The following PHKB variants were observed in gnomAD, a reference collection of about 807,000 sequenced individuals.
The protein encoded by PHKB is phosphorylase b kinase regulatory subunit beta.
In PHKB, 122 loss-of-function variants were observed where a neutral mutation model predicts 152.1. The ratio of observed to expected loss-of-function variants is 0.80; its 90% CI spans 0.69 to 0.93. The LOEUF is 0.93. Ranked by LOEUF, PHKB falls within the 40% of genes least tolerant of loss-of-function variation. PHKB has a pLI of 0.00. For synonymous variants in PHKB, 436 were observed against 464.9 expected, an observed-to-expected ratio of 0.94 and a Z score of 0.80; for missense variants, 1,304 against 1,328.4, an observed-to-expected ratio of 0.98 and a Z score of 0.29.
chr16:47,520,943 G>A (rs908913375), intron 6 of PHKB, among the ~76,000 whole-genome samples: 3 of 152,026 alleles, frequency 2.0e-5, no homozygotes, highest in African/African-American at 7.2e-5. Context: ...TTCTTCTAAT[G>A]TGGTTTTGTA....
chr16:47,644,016 C>T (rs1973071210), intron 16 of PHKB, among the ~76,000 whole-genome samples: 1 of 151,842 alleles, frequency 6.6e-6, no homozygotes, highest in Non-Finnish European at 1.5e-5. Flanking sequence ...TTATATGCAC[C>T]CTGGAATGTG....
intron 14 of PHKB, among the ~76,000 whole-genome samples, chr16:47,636,297 G>A (rs1415515018): frequency 6.6e-6 from 1 of 152,226 alleles, no homozygotes; most frequent in African/African-American, 2.4e-5. Flanking sequence ...CCTGTCTAGG[G>A]CAGCCACTGT....
chr16:47,614,376 C>A (rs942253911), intron 14 of PHKB, among the ~76,000 whole-genome samples: 2 of 152,132 alleles, frequency 1.3e-5, no homozygotes, highest in Admixed American at 6.5e-5. Flanking sequence ...TAGTTTGTTT[C>A]TTTTTATTGC....
At chr16:47,552,549 A>G (rs931463052) in intron 7 of PHKB, among the ~76,000 whole-genome samples, 1 of 152,092 alleles carries the variant, frequency 6.6e-6, no homozygotes, top group Admixed American at 6.6e-5. Context: ...GGTGGCTCAC[A>G]CCTGTAATCC....
chr16:47,532,940 C>T (rs1970887171), intron 6 of PHKB, among the ~76,000 whole-genome samples: 1 of 152,224 alleles, frequency 6.6e-6, no homozygotes, highest in Admixed American at 6.5e-5. Context: ...CTTTATTGAG[C>T]AGTGGAACAA....
intron 17 of PHKB, 37 bp from the exon 18 acceptor site, chr16:47,649,063 T>C: frequency 1.8e-6 from 2 of 1,136,390 alleles, no homozygotes; most frequent in Non-Finnish European, 1.3e-6. Context: ...TTTGGTATGT[T>C]CTTTAGTTAT....
At chr16:47,540,893 T>G (rs972434675) in intron 6 of PHKB, among the ~76,000 whole-genome samples, 1 of 146,818 alleles carries the variant, frequency 6.8e-6, no homozygotes, top group African/African-American at 2.5e-5. Flanking sequence ...AATGGGGCGA[T>G]CTTGGCTCAC....
chr16:47,615,706 A>G (rs1972502761), intron 14 of PHKB, among the ~76,000 whole-genome samples: 1 of 152,218 alleles, frequency 6.6e-6, no homozygotes, highest in East Asian at 1.9e-4. Context: ...TCCAGCTTTC[A>G]GAATCCTTTA....
chr16:47,510,080 A>C (rs1403694482), intron 4 of PHKB, among the ~76,000 whole-genome samples: 1 of 152,188 alleles, frequency 6.6e-6, no homozygotes, highest in East Asian at 1.9e-4. Flanking sequence ...AGCAAACACC[A>C]GATGAAGTGG....
chr16:47,626,208 G>A (rs1972707463), intron 14 of PHKB, among the ~76,000 whole-genome samples: 1 of 152,126 alleles, frequency 6.6e-6, no homozygotes, highest in African/African-American at 2.4e-5. Context: ...TCTGCAGTTG[G>A]GTCCCCTGTG....
chr16:47,538,980 G>A (rs952135672), intron 6 of PHKB, among the ~76,000 whole-genome samples: 2 of 152,146 alleles, frequency 1.3e-5, no homozygotes, highest in African/African-American at 4.8e-5. Flanking sequence ...TGAAGGGTAG[G>A]CAGATGCATG....
intron 7 of PHKB, among the ~76,000 whole-genome samples, chr16:47,560,733 A>AT (rs58756173): frequency 0.069 from 10,528 of 152,246 alleles, 608 homozygotes; most frequent in African/African-American, 0.15. Flanking sequence ...CTGGACCCCT[A>AT]TTTCACACCA....
At chr16:47,474,112 C>T (rs1232738601) in intron 1 of PHKB, among the ~76,000 whole-genome samples, 3 of 151,600 alleles carry the variant, frequency 2.0e-5, no homozygotes. Context: ...TTTCATTTGT[C>T]ATATAAAATC....
chr16:47,676,329 C>T (rs2142086687), intron 26 of PHKB: 1 of 152,252 alleles, frequency 6.6e-6, no homozygotes, highest in Non-Finnish European at 1.5e-5. Flanking sequence ...ATAAGCACAT[C>T]AGACTCATTC....
intron 14 of PHKB, among the ~76,000 whole-genome samples, chr16:47,618,248 C>G (rs570733058): frequency 6.6e-6 from 1 of 152,304 alleles, no homozygotes; most frequent in Non-Finnish European, 1.5e-5. Context: ...CTTGTTGTCT[C>G]ATGACCTTCT....
intron 1 of PHKB, among the ~76,000 whole-genome samples, chr16:47,467,801 G>C (rs971889713): frequency 6.6e-6 from 1 of 152,116 alleles, no homozygotes; most frequent in African/African-American, 2.4e-5. Flanking sequence ...TACTCACATT[G>C]TGCATTCTAA....
intron 26 of PHKB, among the ~76,000 whole-genome samples, chr16:47,678,912 T>A (rs1407042407): frequency 6.6e-6 from 1 of 152,244 alleles, no homozygotes; most frequent in Non-Finnish European, 1.5e-5. Context: ...AGGTCTAACA[T>A]GTAAGTCTTT....
At chr16:47,493,513 C>T (rs764328831) in intron 1 of PHKB, among the ~76,000 whole-genome samples, 23 of 152,068 alleles carry the variant, frequency 1.5e-4, no homozygotes, top group Non-Finnish European at 2.9e-4. Context: ...TCTTTAGTTA[C>T]GTGTGACCAG....
chr16:47,539,942 G>A (rs536270796), intron 6 of PHKB, among the ~76,000 whole-genome samples: 2 of 152,226 alleles, frequency 1.3e-5, no homozygotes, highest in East Asian at 3.9e-4. Flanking sequence ...CAGAATAACA[G>A]CGATTTTTAG....
Sources: allele counts gnomAD v4.1 joint callset (sites outside exome capture counted in the v4.1 genomes callset), GRCh38; gene constraint gnomAD v4.1.1; transcripts MANE v1.5; gene names NCBI Gene and HGNC (gene_info 2026-07-23, HGNC 2026-07-21).